Variants in AASDH observed in about 807,000 individuals in gnomAD.
The protein encoded by AASDH is aminoadipate-semialdehyde dehydrogenase.
AASDH carries 81 observed loss-of-function variants against 102.3 expected under a neutral mutation model. That is an observed-to-expected ratio of 0.79 (90% CI 0.66 to 0.95). The LOEUF (loss-of-function observed/expected upper bound fraction) is 0.95, where lower values mean the gene tolerates loss of function less well. Among genes scored for constraint, AASDH ranks in the 40% least tolerant of loss-of-function variants. AASDH has a pLI of 0.00. For missense variants in AASDH, 1,203 were observed against 1,266.2 expected (o/e 0.95, Z 0.76); for synonymous variants, 398 against 454.0 (o/e 0.88, Z 1.57).
At chr4:56,370,388 G>C (rs570950436) in intron 5 of AASDH, among the ~76,000 whole-genome samples, 1 of 151,954 alleles carries the variant, frequency 6.6e-6, no homozygotes, top group South Asian at 2.1e-4. Flanking sequence ...GACAGAGAGA[G>C]AGAGAGAAAG....
intron 5 of AASDH, among the ~76,000 whole-genome samples, chr4:56,369,919 G>A (rs1030424896): frequency 6.0e-5 from 9 of 149,172 alleles, no homozygotes; most frequent in African/African-American, 2.0e-4. Context: ...CAGGCTGGGC[G>A]AGAAGAGTGA....
chr4:56,359,112 GT>G (rs35128813), intron 5 of AASDH, among the ~76,000 whole-genome samples: 4 of 145,902 alleles, frequency 2.7e-5, no homozygotes, highest in Admixed American at 6.8e-5. Flanking sequence ...GTTGTTTTTG[GT>G]TTTTTTTTTT....
intron 1 of AASDH, among the ~76,000 whole-genome samples, chr4:56,386,598 C>T (rs1214623482): frequency 4.0e-5 from 6 of 150,292 alleles, no homozygotes; most frequent in African/African-American, 1.2e-4. Flanking sequence ...TCGAGACCAT[C>T]CTGGCTAACA....
intron 5 of AASDH, among the ~76,000 whole-genome samples, chr4:56,369,988 GATGCACAT>G (rs1158244517): frequency 3.4e-5 from 5 of 149,172 alleles, no homozygotes; most frequent in Non-Finnish European, 7.4e-5. Flanking sequence ...TAATAATTAA[GATGCACAT>G]ATGCACACAG....
At chr4:56,363,853 T>C (rs12512301) in intron 5 of AASDH, among the ~76,000 whole-genome samples, 96,641 of 152,002 alleles carry the variant, frequency 0.64, 30,806 homozygotes, top group Admixed American at 0.71. Flanking sequence ...TCACCAGCAA[T>C]GGAACAAAGC....
intron 5 of AASDH, among the ~76,000 whole-genome samples, chr4:56,358,309 C>CTTTAGTTTTT (rs1749860009): frequency 6.6e-6 from 1 of 151,616 alleles, no homozygotes; most frequent in South Asian, 2.1e-4. Context: ...AAGAGTTGTA[C>CTTTAGTTTTT]TTCCTCCTGT....
chr4:56,345,370 A>C, intron 11 of AASDH, 80 bp from the exon 12 acceptor site: 2 of 1,342,432 alleles, frequency 1.5e-6, no homozygotes, highest in Non-Finnish European at 2.1e-6. Flanking sequence ...CATGCAATTT[A>C]TATTCAGTCC....
At chr4:56,386,113 A>G (rs1292609056) in intron 1 of AASDH, among the ~76,000 whole-genome samples, 3 of 152,232 alleles carry the variant, frequency 2.0e-5, no homozygotes, top group Non-Finnish European at 4.4e-5. Flanking sequence ...GTTTAAACAT[A>G]TAAGGCAACT....
intron 14 of AASDH, among the ~76,000 whole-genome samples, chr4:56,342,125 A>T (rs1176093030): frequency 1.6e-5 from 1 of 63,308 alleles, no homozygotes; most frequent in Admixed American, 1.4e-4. Context: ...AAAAAAAAAA[A>T]AAAAAAAAAG....
Position 56,342,935 on chromosome 4 carries a change from C to A in AASDH, c.2807G>T (p.Cys936Phe). Residue 936 changes from cysteine (C) to phenylalanine (F), a missense_variant, in exon 14 of 15, where the codon TGT becomes TTT. Physicochemically the swap from Cys to Phe is radical, Grantham distance 205. Transcript: ENST00000205214. ...TGGGGAAGAGAAGAGTGGTTTTCCA[C>A]AGGAATGTTTCCAAATAACGTTCCC... ...ATGNVIWKHS[C>F]GKPLFSSPQC... 6.3e-7 allele frequency: 1 copy of A among 1,592,190 alleles called. No individual in the cohort carries two copies. The highest frequency in any genetic ancestry group is 1.1e-5 in the South Asian group (1 of 88,178).
rs1396109008 is a variant in AASDH, at chr4:56,338,841, A to AT, written c.2908-51dup. ...ATAATTCATTCATCTAATTGCTCCA[A>AT]TTCTCCCTTAAAGCTCTATGAGGTT... On this transcript the variant is annotated intron_variant, in intron 14 of 14. Transcript: ENST00000205214. 2.0e-6 allele frequency: 3 copies of AT among 1,533,728 alleles called. No individual in the cohort carries two copies. In the Admixed American group the frequency reaches 5.5e-5, roughly 28 times the overall value.
At chr4:56,354,578 G>T in intron 7 of AASDH, 127 bp downstream of exon 7, 1 of 674,394 alleles carries the variant, frequency 1.5e-6, no homozygotes, top group Non-Finnish European at 2.5e-6. Flanking sequence ...ATGACTATAT[G>T]AATGAGAATA....
chr4:56,376,681 T>C (rs1752371747), intron 4 of AASDH, among the ~76,000 whole-genome samples: 1 of 152,186 alleles, frequency 6.6e-6, no homozygotes, highest in South Asian at 2.1e-4. Context: ...ATGATTAGCA[T>C]AAAAAATGCA....
At chr4:56,341,389 C>CTTTTTTTTTTTTTTTTTTTTT (rs575687659) in intron 14 of AASDH, among the ~76,000 whole-genome samples, 4 of 92,406 alleles carry the variant, frequency 4.3e-5, no homozygotes, top group African/African-American at 1.7e-4. Context: ...AGACTTTTAT[C>CTTTTTTTTTTTTTTTTTTTTT]TTTTTTTTTT....
chr4:56,375,826 C>T (rs1341985027), intron 4 of AASDH, among the ~76,000 whole-genome samples: 1 of 152,024 alleles, frequency 6.6e-6, no homozygotes, highest in African/African-American at 2.4e-5. Context: ...CTTTACTATC[C>T]TAATCTTTTT....
intron 14 of AASDH, among the ~76,000 whole-genome samples, chr4:56,339,493 A>G (rs1431230586): frequency 2.6e-5 from 4 of 152,112 alleles, no homozygotes; most frequent in African/African-American, 4.8e-5. Context: ...TTTCATGCCT[A>G]TAATCCCAGC....
Position 56,353,420 on chromosome 4 carries a change from TAGAG to T in AASDH, c.1556_1559del (p.Ser519TyrfsTer14). On this transcript the variant is annotated frameshift_variant, in exon 9 of 15. Transcript: ENST00000205214. LOFTEE classifies it high-confidence loss of function. ...TTACTTTACCGTGGGATGTAAATGGTAGAGAGTCGATCAATACAAGCTCATCCGG... is the reference window on the plus strand; with the variant it reads ...TTACTTTACCGTGGGATGTAAATGGTAGTCGATCAATACAAGCTCATCCGG... 1 of 1,608,026 alleles carries T rather than the reference TAGAG, an allele frequency of 6.2e-7. No individual in the cohort carries two copies. Among genetic ancestry groups the T allele is most frequent in the Non-Finnish European group, 8.5e-7 (1 of 1,177,984 alleles).
intron 3 of AASDH, among the ~76,000 whole-genome samples, chr4:56,379,340 C>T (rs73240544): frequency 6.6e-6 from 1 of 152,040 alleles, no homozygotes; most frequent in Non-Finnish European, 1.5e-5. Flanking sequence ...ACTATGTTAC[C>T]CAATCTGGTC....
At position 56,357,934 on chromosome 4, in the gene AASDH, G is replaced by A. The variant is rs1446179082; in HGVS notation, c.862-2511C>T. 2.0e-5 allele frequency among the ~76,000 whole-genome samples: 3 copies of A among 151,744 alleles called. No individual in the cohort carries two copies. The East Asian group carries it at 5.8e-4, about 29-fold the overall frequency. On this transcript the variant is annotated intron_variant, in intron 5 of 14. Coordinates refer to ENST00000205214, the MANE Select transcript of AASDH (RefSeq NM_181806.4). ...GTGTGTTTAATTTACAGATCAATTTGGGGAGAAATGCAATCTCAACAATAT... is the reference window on the plus strand; with the variant it reads ...GTGTGTTTAATTTACAGATCAATTTAGGGAGAAATGCAATCTCAACAATAT...
Sources: gnomAD v4.1 joint callset for allele counts (sites outside exome capture counted in the v4.1 genomes callset) on GRCh38, gnomAD v4.1.1 for gene constraint, MANE v1.5 for transcripts, NCBI Gene and HGNC (gene_info 2026-07-23, HGNC 2026-07-21) for gene names.